The following FCRL6 variants were observed in gnomAD, a reference collection of about 807,000 sequenced individuals.
FCRL6 encodes the protein Fc receptor like 6.
In FCRL6, 50 loss-of-function variants were observed where a neutral mutation model predicts 49.1. The observed-to-expected ratio is 1.02, with a 90% CI of 0.81 to 1.29. The LOEUF (loss-of-function observed/expected upper bound fraction) is 1.29. FCRL6 is among the 50% of genes most tolerant of loss of function. The probability of loss-of-function intolerance (pLI) is 0.00; values close to 1 mark genes in which losing one functional copy is unlikely to be tolerated. For synonymous variants in FCRL6, 213 were observed against 199.6 expected, an observed-to-expected ratio of 1.07 and a Z score of -0.57; for missense variants, 571 against 518.5, an observed-to-expected ratio of 1.10 and a Z score of -0.98.
upstream of FCRL6, among the ~76,000 whole-genome samples, chr1:159,800,894 T>C (rs3935782): frequency 0.12 from 17,976 of 152,168 alleles, 2,478 homozygotes; most frequent in African/African-American, 0.33. Flanking sequence ...GGCATGGTGG[T>C]GCATGCCTGT....
intron 1 of FCRL6, among the ~76,000 whole-genome samples, chr1:159,804,013 G>A (rs1018619708): frequency 2.6e-5 from 4 of 152,176 alleles, no homozygotes; most frequent in Admixed American, 1.3e-4. Context: ...GTGGGGACCT[G>A]GCTGAATGTG....
At chr1:159,807,994 G>A (rs1490299344) in intron 2 of FCRL6, among the ~76,000 whole-genome samples, 184 bp from the exon 3 acceptor site, 2 of 151,600 alleles carry the variant, frequency 1.3e-5, no homozygotes. Flanking sequence ...AAGGAAGGAG[G>A]AGTAAAGGAA....
chr1:159,810,294 T>C, intron 6 of FCRL6, 78 bp downstream of exon 6: 1 of 1,510,352 alleles, frequency 6.6e-7, no homozygotes, highest in Non-Finnish European at 8.9e-7. Context: ...AGCCAGAGTC[T>C]GACAGGACCA....
In FCRL6 at chr1:159,815,855, T is replaced by A. The variant is rs1022069780; in HGVS notation, c.*194T>A. 6.7e-6 allele frequency: 4 copies of A among 593,694 alleles called. No homozygotes were observed. Among genetic ancestry groups the A allele is most frequent in the Non-Finnish European group, 1.2e-5 (4 of 340,798 alleles). 36.8% of individuals were successfully genotyped at this position (593,694 alleles called of 1,614,324 possible). On this transcript the variant is annotated 3_prime_UTR_variant, in exon 10 of 10. Coordinates refer to ENST00000368106, the MANE Select transcript of FCRL6 (RefSeq NM_001004310.3). ...CTTAGCAGAAGACCAACCAATGGAATGGGAAGGGAGATGCTCCCACCAACA... is the reference window on the plus strand; with the variant it reads ...CTTAGCAGAAGACCAACCAATGGAAAGGGAAGGGAGATGCTCCCACCAACA...
At chr1:159,809,825 G>A (rs907663290) in intron 5 of FCRL6, 142 bp downstream of exon 5, 2 of 794,292 alleles carry the variant, frequency 2.5e-6, no homozygotes, top group African/African-American at 1.7e-5. Flanking sequence ...ACCCTAATTA[G>A]TCCATCTGTC....
intron 1 of FCRL6, among the ~76,000 whole-genome samples, chr1:159,803,500 C>T (rs1289315113): frequency 1.3e-5 from 2 of 152,156 alleles, no homozygotes; most frequent in African/African-American, 4.8e-5. Context: ...TAGCATGCTA[C>T]TCGTGTGTTC....
intron 1 of FCRL6, among the ~76,000 whole-genome samples, chr1:159,805,024 C>T (rs1662585913): frequency 6.6e-6 from 1 of 152,174 alleles, no homozygotes; most frequent in African/African-American, 2.4e-5. Context: ...ATATTGAAGG[C>T]TCTTGGAACT....
At chr1:159,805,678 T>C (rs545427926) in intron 1 of FCRL6, among the ~76,000 whole-genome samples, 1 of 152,396 alleles carries the variant, frequency 6.6e-6, no homozygotes, top group Admixed American at 6.5e-5. Flanking sequence ...ACATCCAAGA[T>C]GCAAGCATGA....
chr1:159,811,999 G>A (rs1663114943), intron 6 of FCRL6, among the ~76,000 whole-genome samples: 2 of 152,164 alleles, frequency 1.3e-5, no homozygotes, highest in Admixed American at 1.3e-4. Flanking sequence ...TGAAAGAGTG[G>A]TCACTAGTGA....
chr1:159,813,240 A>T (rs1663187469), intron 6 of FCRL6, among the ~76,000 whole-genome samples: 1 of 152,156 alleles, frequency 6.6e-6, no homozygotes. Flanking sequence ...CTTCATGCAA[A>T]AATGTGATCC....
intron 4 of FCRL6, 56 bp from the exon 5 acceptor site, chr1:159,809,346 A>G: frequency 6.5e-7 from 1 of 1,534,724 alleles, no homozygotes; most frequent in Non-Finnish European, 8.8e-7. Context: ...CCAGGAGAGG[A>G]GGGAGCCAGG....
chr1:159,816,110 AAC>A lies in FCRL6; in HGVS notation c.*453_*454del, dbSNP rs1663386601. On this transcript the variant is annotated 3_prime_UTR_variant, in exon 10 of 10. Coordinates refer to ENST00000368106, the MANE Select transcript of FCRL6 (RefSeq NM_001004310.3). ...GATATCATAGTTGCCTTAACATCAT[AAC>A]ACAACACATTTCTCACGCGTTTGTG... is the stretch of plus-strand genomic sequence containing the variant. 2 of 184,936 alleles carry A rather than the reference AAC, an allele frequency of 1.1e-5. No homozygotes were observed. The highest frequency in any genetic ancestry group is 2.3e-5 in the Non-Finnish European group (2 of 85,378). The allele number at this position is 184,936 out of a possible 1,614,324, so 11.5% of individuals were successfully genotyped here. A position where few individuals can be genotyped will look rare whatever the true frequency, so the allele number is the denominator to read the frequency against.
Position 159,808,358 on chromosome 1 carries a change from G to A in FCRL6, c.233G>A (p.Arg78His), listed in dbSNP as rs147917646. Residue 78 changes from arginine (R) to histidine (H), a missense_variant, in exon 3 of 10, where the codon CGT becomes CAT. By Grantham distance (29) the Arg-to-His change is conservative. Coordinates refer to ENST00000368106, the MANE Select transcript of FCRL6 (RefSeq NM_001004310.3). ...LSMGAATVQS[R>H]GQYSCSGQVM... ...ATGGGAGCAGCAACAGTGCAGAGCC[G>A]TGGCCAGTACAGCTGCTCTGGGCAG... 4.7e-3 allele frequency: 7,626 copies of A among 1,614,214 alleles called. 23 individuals carry two copies. The highest frequency in any genetic ancestry group is 6.1e-3 in the Non-Finnish European group (7,159 of 1,180,020).
At chr1:159,806,034 T>C (rs906143801) in intron 1 of FCRL6, among the ~76,000 whole-genome samples, 5 of 152,214 alleles carry the variant, frequency 3.3e-5, no homozygotes, top group African/African-American at 1.2e-4. Context: ...CAGACTATGT[T>C]CCAGGCACAG....
intron 1 of FCRL6, among the ~76,000 whole-genome samples, chr1:159,803,566 C>G (rs1012211511): frequency 1.3e-4 from 20 of 152,152 alleles, no homozygotes; most frequent in African/African-American, 4.8e-4. Flanking sequence ...GAGGCGGGGA[C>G]AGGATAGCCT....
At chr1:159,810,607 T>C (rs1035413260) in intron 6 of FCRL6, among the ~76,000 whole-genome samples, 1 of 151,948 alleles carries the variant, frequency 6.6e-6, no homozygotes, top group African/African-American at 2.4e-5. Context: ...CTCTCTCTCA[T>C]TGAGCTCAGC....
Position 159,809,625 on chromosome 1 carries a change from C to A in FCRL6, c.828C>A (p.Cys276Ter), listed in dbSNP as rs375081932. The change falls in exon 5 of 10, where the codon TGC becomes TGA. Residue 276 changes from cysteine (C) to a stop codon, truncating the protein, a stop_gained. Coordinates refer to ENST00000368106, the MANE Select transcript of FCRL6 (RefSeq NM_001004310.3). LOFTEE classifies it high-confidence loss of function. ...AACAGGATGCTGGGAACTACTCCTG[C>A]GAGGCTGAGAACAGTGTCTCCAGAG... ...KSEQDAGNYS[C>*]EAENSVSRER... 8.7e-6 allele frequency: 14 copies of A among 1,614,182 alleles called. No homozygotes were observed. The highest frequency in any genetic ancestry group is 3.3e-5 in the South Asian group (3 of 91,090).
At chr1:159,808,853 C>T (rs1198383181) in intron 3 of FCRL6, 108 bp from the exon 4 acceptor site, 15 of 1,204,248 alleles carry the variant, frequency 1.2e-5, no homozygotes, top group Middle Eastern at 2.0e-4. Flanking sequence ...TGCCTCCCAT[C>T]GGGGTCCCCG....
In FCRL6 at chr1:159,809,406, T is replaced by C. The variant is rs1300959212; in HGVS notation, c.609T>C (p.Pro203=). The C allele has an allele frequency of 3.1e-6, 5 of 1,596,632 alleles. No individual in the cohort carries two copies. The African/African-American group carries it at 6.7e-5, about 21-fold the overall frequency. Residue 203 remains proline (P), a synonymous_variant, in exon 5 of 10, where the codon CCT becomes CCC. Coordinates refer to ENST00000368106, the MANE Select transcript of FCRL6 (RefSeq NM_001004310.3). The part of the protein sequence containing the change: ...SPQLEVRVQA[P]VSRPVLTLHH... The stretch of plus-strand genomic sequence containing the variant: ...CCCACCCCATGTGTGTCCCAGCTCC[T>C]GTATCCCGTCCTGTGCTCACTCTGC...
Sources: gnomAD v4.1 joint callset for allele counts (sites outside exome capture counted in the v4.1 genomes callset) on GRCh38, gnomAD v4.1.1 for gene constraint, MANE v1.5 for transcripts, NCBI Gene and HGNC (gene_info 2026-07-23, HGNC 2026-07-21) for gene names.